The following MYZAP variants were observed in gnomAD, a reference collection of about 807,000 sequenced individuals.
MYZAP encodes GRINL1A complex locus upstream.
MYZAP carries 66 observed loss-of-function variants against 69.4 expected under a neutral mutation model. The ratio of observed to expected loss-of-function variants is 0.95; its 90% confidence interval spans 0.78 to 1.17. The LOEUF (loss-of-function observed/expected upper bound fraction) is 1.17, where lower values mean the gene tolerates loss of function less well. Among genes scored for constraint, MYZAP ranks in the 50% most tolerant of loss-of-function variants. The pLI is 0.00. For synonymous variants in MYZAP, 256 were observed against 205.9 expected (o/e 1.24, Z -2.09); for missense variants, 611 against 556.2 (o/e 1.10, Z -0.99).
chr15:57,622,599 G>A (rs117798216), intron 4 of MYZAP, among the ~76,000 whole-genome samples: 2,244 of 152,196 alleles, frequency 0.015, 30 homozygotes, highest in South Asian at 0.045. Context: ...ATGTACCCCT[G>A]TATATGATAA....
At chr15:57,656,636 G>C (rs917564507) in intron 10 of MYZAP, among the ~76,000 whole-genome samples, 1 of 152,120 alleles carries the variant, frequency 6.6e-6, no homozygotes, top group Non-Finnish European at 1.5e-5. Flanking sequence ...GAGGTTCTTC[G>C]GGGCAGACCA....
chr15:57,613,661 G>A (rs895120233), intron 2 of MYZAP, among the ~76,000 whole-genome samples: 9 of 152,018 alleles, frequency 5.9e-5, no homozygotes, highest in South Asian at 4.1e-4. Flanking sequence ...ATGAGACACC[G>A]TGCCTGGCCA....
chr15:57,603,089 A>C (rs1567200135), intron 1 of MYZAP, among the ~76,000 whole-genome samples: 3 of 152,186 alleles, frequency 2.0e-5, no homozygotes. Context: ...TAGACTTTAA[A>C]AAATCATTTA....
At chr15:57,617,902 C>G in intron 2 of MYZAP, 131 bp from the exon 3 acceptor site, 3 of 1,284,376 alleles carry the variant, frequency 2.3e-6, no homozygotes, top group Non-Finnish European at 3.1e-6. Flanking sequence ...TTTTTGCTCC[C>G]TCCATCTCCA....
At chr15:57,623,090 C>A (rs1294663031) in intron 4 of MYZAP, among the ~76,000 whole-genome samples, 1 of 152,176 alleles carries the variant, frequency 6.6e-6, no homozygotes, top group East Asian at 1.9e-4. Flanking sequence ...TGACAGGATG[C>A]TCTGCCTCAC....
chr15:57,684,682 A>AG lies in MYZAP; in HGVS notation c.*187dup, dbSNP rs753306050. On this transcript the variant is annotated 3_prime_UTR_variant, in exon 13 of 13. Transcript: ENST00000267853. ...TGAAGGCAGAGTGAGCAGGTAAGAG[A>AG]GGGATATACAAGGTCACATTTCAGA... The AG allele has an allele frequency of 1.7e-4, 87 of 523,558 alleles. 1 individual carries two copies. The highest frequency in any genetic ancestry group is 2.6e-4 in the Non-Finnish European group (79 of 298,228). 32.4% of individuals were successfully genotyped at this position (523,558 alleles called of 1,614,324 possible).
At chr15:57,646,197 G>C in intron 10 of MYZAP, 1 of 1,289,316 alleles carries the variant, frequency 7.8e-7, no homozygotes, top group East Asian at 5.5e-5. Flanking sequence ...ATGATAAGTT[G>C]GTAGCCTGCT....
At chr15:57,638,466 G>A (rs974275811) in intron 9 of MYZAP, among the ~76,000 whole-genome samples, 14 of 152,074 alleles carry the variant, frequency 9.2e-5, no homozygotes, top group African/African-American at 2.7e-4. Flanking sequence ...CTGCCAAATA[G>A]TACGTGCTGA....
chr15:57,593,752 G>C (rs1346259848), intron 1 of MYZAP, among the ~76,000 whole-genome samples: 2 of 152,184 alleles, frequency 1.3e-5, no homozygotes, highest in Non-Finnish European at 2.9e-5. Flanking sequence ...GGGCTGTCCT[G>C]GGTACACTGG....
intron 11 of MYZAP, among the ~76,000 whole-genome samples, chr15:57,672,848 C>T (rs1470282380): frequency 6.6e-6 from 1 of 152,162 alleles, no homozygotes; most frequent in African/African-American, 2.4e-5. Flanking sequence ...ACCGCTGTCC[C>T]CATTTTGAGT....
At chr15:57,597,383 A>G (rs2140314416) in intron 1 of MYZAP, among the ~76,000 whole-genome samples, 1 of 152,342 alleles carries the variant, frequency 6.6e-6, no homozygotes, top group East Asian at 1.9e-4. Context: ...TTCCCAGGCG[A>G]TTCTAATGTG....
chr15:57,666,861 C>A (rs189713039), intron 11 of MYZAP, among the ~76,000 whole-genome samples: 13 of 152,176 alleles, frequency 8.5e-5, no homozygotes, highest in Admixed American at 7.2e-4. Flanking sequence ...CAAAAATATG[C>A]CCATTCTTTT....
chr15:57,647,355 A>C, intron 10 of MYZAP: 2 of 985,312 alleles, frequency 2.0e-6, no homozygotes, highest in Non-Finnish European at 1.2e-6. Context: ...GGCAGATTTG[A>C]GAATCTCATC....
chr15:57,681,613 G>A (rs139570817), intron 12 of MYZAP, among the ~76,000 whole-genome samples: 1,557 of 152,170 alleles, frequency 0.01, 14 homozygotes, highest in South Asian at 0.027. Flanking sequence ...GTGAAACTCC[G>A]TCTCTACTAA....
intron 11 of MYZAP, among the ~76,000 whole-genome samples, chr15:57,665,877 T>A (rs188898917): frequency 1.2e-3 from 176 of 152,316 alleles, no homozygotes; most frequent in Non-Finnish European, 1.8e-3. Flanking sequence ...TCTGCAGTTA[T>A]ACCTAAGGGC....
chr15:57,602,360 G>A (rs1291552647), intron 1 of MYZAP, among the ~76,000 whole-genome samples: 1 of 152,112 alleles, frequency 6.6e-6, no homozygotes, highest in East Asian at 1.9e-4. Context: ...TCTGTTCCAG[G>A]CCCTTCTCCT....
rs115438075 is a variant in MYZAP at position 57,604,368 on chromosome 15, C to A, written c.162+13C>A. Reference sequence around the variant, plus strand: ...GAGAAAAGAGCAGGTAAGGTATCTCCGAGGCAAAGCCCCAACAAGTTCCAG... The same window carrying A: ...GAGAAAAGAGCAGGTAAGGTATCTCAGAGGCAAAGCCCCAACAAGTTCCAG... On this transcript the variant is annotated intron_variant, in intron 2 of 12. Coordinates refer to ENST00000267853, the MANE Select transcript of MYZAP (RefSeq NM_001018100.5). The A allele has an allele frequency of 6.2e-7, 1 of 1,613,982 alleles. No individual in the cohort carries two copies. Among genetic ancestry groups the A allele is most frequent in the South Asian group, 1.1e-5 (1 of 91,050 alleles).
intron 5 of MYZAP, among the ~76,000 whole-genome samples, chr15:57,629,088 C>CAAAAAAAAAAAAAAAAAAAAAAAAA (rs1274144448): frequency 8.7e-6 from 1 of 115,082 alleles, no homozygotes. Context: ...GTCTCAAAAA[C>CAAAAAAAAAAAAAAAAAAAAAAAAA]AAAAAAAAAA....
intron 12 of MYZAP, among the ~76,000 whole-genome samples, chr15:57,681,594 G>A (rs2039447179): frequency 6.6e-6 from 1 of 152,134 alleles, no homozygotes; most frequent in Admixed American, 6.5e-5. Flanking sequence ...GACCAGACTG[G>A]CCCACCCAGT....
Sources: gnomAD v4.1 joint callset for allele counts (sites outside exome capture counted in the v4.1 genomes callset) on GRCh38, gnomAD v4.1.1 for gene constraint, MANE v1.5 for transcripts, NCBI Gene and HGNC (gene_info 2026-07-23, HGNC 2026-07-21) for gene names.